Variants in TES observed in about 807,000 individuals in gnomAD.
The protein encoded by TES is testin LIM domain protein, also known as testin.
A neutral mutation model predicts 48.2 loss-of-function variants in TES; 41 were observed. That is an observed-to-expected ratio of 0.85 (90% CI 0.66 to 1.10). The LOEUF (loss-of-function observed/expected upper bound fraction) is 1.10, where lower values mean the gene tolerates loss of function less well. Among genes scored for constraint, TES ranks in the 50% least tolerant of loss-of-function variants. The pLI is 0.00. For synonymous variants in TES, 162 were observed against 174.9 expected (o/e 0.93, Z 0.58); for missense variants, 463 against 515.1 (o/e 0.90, Z 0.98).
rs1799421735 is a variant in TES at position 116,210,544 on chromosome 7, G to C, written c.-164G>C. 2.7e-6 allele frequency: 2 copies of C among 739,774 alleles called. No homozygotes were observed. The highest frequency in any genetic ancestry group is 1.9e-5 in the African/African-American group (1 of 53,800). The allele number at this position is 739,774 out of a possible 1,614,324, so 45.8% of individuals were successfully genotyped here. On this transcript the variant is annotated 5_prime_UTR_variant, in exon 1 of 7. Transcript: ENST00000358204. ...CGGGTCCGGGCCGCAGGCCCGCTGC[G>C]GCGGACTGGGCGGCGGAAGTTCGAC...
rs1479511418 is a variant in TES at position 116,251,921 on chromosome 7, C to G, written c.864C>G (p.Tyr288Ter). 6.2e-7 allele frequency: 1 copy of G among 1,614,148 alleles called. No homozygotes were observed. Among genetic ancestry groups the G allele is most frequent in the African/African-American group, 1.3e-5 (1 of 75,024 alleles). The change falls in exon 5 of 7, where the codon TAC (tyrosine) becomes TAG (stop). Residue 288 changes from tyrosine to a stop codon, truncating the protein, a stop_gained. Transcript: ENST00000358204. LOFTEE classifies it high-confidence loss of function. The stretch of plus-strand genomic sequence containing the variant: ...ATTTTTGGAAGAATGAGAAGCTATA[C>G]TGTGGCAGACATTACTGTGACAGCG... ...MIYFWKNEKL[Y>*]CGRHYCDSEK...
chr7:116,236,297 C>G (rs1799770368), intron 2 of TES, among the ~76,000 whole-genome samples: 2 of 152,130 alleles, frequency 1.3e-5, no homozygotes, highest in Admixed American at 1.3e-4. Context: ...ACCAAAACTT[C>G]TTGAGTGTCA....
intron 1 of TES, among the ~76,000 whole-genome samples, chr7:116,223,336 G>A (rs1353824629): frequency 6.6e-6 from 1 of 152,092 alleles, no homozygotes; most frequent in African/African-American, 2.4e-5. Flanking sequence ...GTCACATGGA[G>A]GTACTGAAAT....
intron 2 of TES, among the ~76,000 whole-genome samples, chr7:116,237,395 A>G (rs1799785417): frequency 6.6e-6 from 1 of 152,164 alleles, no homozygotes; most frequent in Admixed American, 6.5e-5. Context: ...GTAGTTTCCC[A>G]CTGGACTTCT....
At chr7:116,235,087 G>A (rs1457183597) in intron 2 of TES, among the ~76,000 whole-genome samples, 1 of 152,130 alleles carries the variant, frequency 6.6e-6, no homozygotes, top group Non-Finnish European at 1.5e-5. Flanking sequence ...GAGATTACAG[G>A]CTTGTGCCAC....
intron 1 of TES, among the ~76,000 whole-genome samples, chr7:116,223,713 A>G (rs915458787): frequency 2.6e-5 from 4 of 152,240 alleles, no homozygotes; most frequent in African/African-American, 9.6e-5. Flanking sequence ...AGGAAGGAAC[A>G]AAGTTCTGCT....
rs1023470165 is a variant in TES at position 116,250,351 on chromosome 7, C to T, written c.557C>T (p.Ala186Val). ...EQFVKKYKSE[A>V]LGVGDVKLPC... ...TTTGTGAAGAAATATAAGAGCGAAG[C>T]TCTGGGAGTAGGAGATGTCAAACTT... The change falls in exon 4 of 7, where the codon GCT (alanine) becomes GTT (valine). Residue 186 changes from alanine to valine, a missense_variant. Ala to Val is a moderately conservative substitution (Grantham distance 64, BLOSUM62 0). Coordinates refer to ENST00000358204, the MANE Select transcript of TES (RefSeq NM_015641.4). 1.1e-5 allele frequency: 17 copies of T among 1,613,840 alleles called. No individual in the cohort carries two copies. Among genetic ancestry groups the T allele is most frequent in the Non-Finnish European group, 1.4e-5 (16 of 1,179,868 alleles).
At chr7:116,257,199 T>G in intron 6 of TES, 95 bp from the exon 7 acceptor site, 1 of 1,347,686 alleles carries the variant, frequency 7.4e-7, no homozygotes, top group East Asian at 2.5e-5. Context: ...CATTATGAGT[T>G]TTAATTTATC....
intron 1 of TES, among the ~76,000 whole-genome samples, chr7:116,231,989 A>G (rs1472681165): frequency 6.6e-6 from 1 of 152,200 alleles, no homozygotes; most frequent in Non-Finnish European, 1.5e-5. Flanking sequence ...GGAGAAAACA[A>G]CTTGCCCCTT....
chr7:116,256,625 A>G (rs924670087), intron 6 of TES, among the ~76,000 whole-genome samples: 2 of 152,194 alleles, frequency 1.3e-5, no homozygotes, highest in Non-Finnish European at 2.9e-5. Flanking sequence ...ATGTATATAC[A>G]TGTTTGTATG....
intron 6 of TES, among the ~76,000 whole-genome samples, chr7:116,253,638 A>G (rs1252098347): frequency 6.6e-6 from 1 of 151,932 alleles, no homozygotes; most frequent in Non-Finnish European, 1.5e-5. Context: ...GTTCACCATC[A>G]TTTTCTAGTT....
chr7:116,235,389 C>T (rs568812670), intron 2 of TES, among the ~76,000 whole-genome samples: 13 of 152,136 alleles, frequency 8.5e-5, no homozygotes, highest in Non-Finnish European at 1.8e-4. Flanking sequence ...ATTTAGATCT[C>T]TTTAAAATTT....
At chr7:116,237,633 T>G (rs544163700) in intron 2 of TES, among the ~76,000 whole-genome samples, 1 of 152,158 alleles carries the variant, frequency 6.6e-6, no homozygotes, top group Non-Finnish European at 1.5e-5. Flanking sequence ...TGAGAAGTCT[T>G]CCCTGCCCAT....
chr7:116,235,923 A>G (rs1020475658), intron 2 of TES, among the ~76,000 whole-genome samples: 11 of 152,210 alleles, frequency 7.2e-5, no homozygotes, highest in African/African-American at 2.4e-4. Flanking sequence ...ATAATTGTTT[A>G]AAATAGGAAA....
At chr7:116,255,984 AG>A (rs1343666514) in intron 6 of TES, among the ~76,000 whole-genome samples, 1 of 152,352 alleles carries the variant, frequency 6.6e-6, no homozygotes, top group East Asian at 1.9e-4. Context: ...ATATACAAAA[AG>A]CAGTTGCTTG....
intron 1 of TES, among the ~76,000 whole-genome samples, chr7:116,223,505 T>C (rs1350611758): frequency 6.6e-6 from 1 of 152,226 alleles, no homozygotes; most frequent in Non-Finnish European, 1.5e-5. Flanking sequence ...TTTGGTATTT[T>C]AATAATCTGG....
At chr7:116,250,685 C>G (rs1174492625) in intron 4 of TES, among the ~76,000 whole-genome samples, 189 bp downstream of exon 4, 1 of 152,096 alleles carries the variant, frequency 6.6e-6, no homozygotes, top group Non-Finnish European at 1.5e-5. Flanking sequence ...CTGTCTAAAG[C>G]CAAATTTTCT....
chr7:116,257,473 G>A lies in TES; in HGVS notation c.1257G>A (p.Arg419=). 6.2e-7 allele frequency: 1 copy of A among 1,608,338 alleles called. No homozygotes were observed. Among genetic ancestry groups the A allele is most frequent in the Non-Finnish European group, 8.5e-7 (1 of 1,176,960 alleles). Residue 419 remains arginine (R), a synonymous_variant, in exon 7 of 7, where the codon AGG becomes AGA. Transcript: ENST00000358204. ...TCTGTTCAGTGGAATGTAAGAAGAG[G>A]ATGTCTTAGGAGGAGGGCACCCAGA... ...MVFCSVECKK[R]MS
At chr7:116,216,064 T>C (rs909122087) in intron 1 of TES, among the ~76,000 whole-genome samples, 2 of 152,162 alleles carry the variant, frequency 1.3e-5, no homozygotes, top group Non-Finnish European at 2.9e-5. Context: ...ATTGTTAGCA[T>C]GCGATCAACA....
Sources: gnomAD v4.1 joint callset for allele counts (sites outside exome capture counted in the v4.1 genomes callset) on GRCh38, gnomAD v4.1.1 for gene constraint, MANE v1.5 for transcripts, NCBI Gene and HGNC (gene_info 2026-07-23, HGNC 2026-07-21) for gene names.